Variants in COL5A1 observed in about 807,000 individuals in gnomAD.
The protein encoded by COL5A1 is collagen type V alpha 1 chain.
In COL5A1, 16 loss-of-function variants were observed where a neutral mutation model predicts 263.7. That is an observed-to-expected ratio of 0.06 (90% CI 0.04 to 0.09). The LOEUF is 0.09. COL5A1 is among the 10% of genes least tolerant of loss of function. COL5A1 has a pLI of 1.00. For missense variants in COL5A1, 2,036 were observed against 2,540.5 expected (o/e 0.80, Z 4.27); for synonymous variants, 1,012 against 1,004.5 (o/e 1.01, Z -0.14).
rs1040851128 is a variant in COL5A1 at position 134,786,256 on chromosome 9, C to G, written c.2646+208C>G. On this transcript the variant is annotated intron_variant, in intron 31 of 65. Coordinates refer to ENST00000371817, the MANE Select transcript of COL5A1 (RefSeq NM_000093.5). ...CTTGCATCCAGCTATGTTAGGTGTC[C>G]CGGGACAGGTGGAGGGATGCTCCAC... is the stretch of plus-strand genomic sequence containing the variant. Among the ~76,000 whole-genome samples, 5 of 152,180 alleles carry G rather than the reference C, an allele frequency of 3.3e-5. 1 individual carries two copies. The highest frequency in any genetic ancestry group is 7.2e-5 in the African/African-American group (3 of 41,444).
chr9:134,822,723 C>CA lies in COL5A1; in HGVS notation c.4609-275_4609-274insA, dbSNP rs1554807636. On this transcript the variant is annotated intron_variant, in intron 59 of 65. Coordinates refer to ENST00000371817, the MANE Select transcript of COL5A1 (RefSeq NM_000093.5). The stretch of plus-strand genomic sequence containing the variant: ...AGGACATGCTCTTTTCCGCTGCGCC[C>CA]CCCCCGCGGCTGTCTGAGCTGGGGT... Among the ~76,000 whole-genome samples, 11 of 150,586 alleles carry CA rather than the reference C, an allele frequency of 7.3e-5. 1 individual carries two copies. Among genetic ancestry groups the CA allele is most frequent in the African/African-American group, 2.2e-4 (9 of 40,662 alleles).
rs772649334 is a variant in COL5A1, at chr9:134,784,931, TGGA to T, written c.2485-56_2485-54del. ...TTGCTCCTTGCTCTCAGAATGGTGG[TGGA>T]GAATAGTGTGTGTGCGGGGGGTGGT... On this transcript the variant is annotated intron_variant, in intron 29 of 65. Transcript: ENST00000371817. 2.2e-3 allele frequency: 2,940 copies of T among 1,357,674 alleles called. 7 individuals are homozygous for T. The highest frequency in any genetic ancestry group is 2.9e-3 in the Non-Finnish European group (2,747 of 949,278). 84.1% of individuals were successfully genotyped at this position (1,357,674 alleles called of 1,614,324 possible).
chr9:134,782,397 G>A (rs1021468790), intron 28 of COL5A1, among the ~76,000 whole-genome samples: 1 of 152,180 alleles, frequency 6.6e-6, no homozygotes, highest in African/African-American at 2.4e-5. Context: ...CTGAGGCCTC[G>A]CCATGCAGAA....
At chr9:134,774,403 C>T (rs1009823246) in intron 26 of COL5A1, among the ~76,000 whole-genome samples, 1 of 152,198 alleles carries the variant, frequency 6.6e-6, no homozygotes, top group Admixed American at 6.5e-5. Flanking sequence ...TCTAGTTGAG[C>T]ATCGGCGAGG....
intron 50 of COL5A1, 42 bp downstream of exon 50, chr9:134,814,946 C>T (rs1214295138): frequency 1.5e-5 from 21 of 1,401,264 alleles, no homozygotes; most frequent in South Asian, 2.5e-5. Context: ...GCAGCAGGGG[C>T]GGGGCTCTGC....
intron 36 of COL5A1, among the ~76,000 whole-genome samples, chr9:134,797,509 G>C (rs529134846): frequency 1.2e-3 from 184 of 152,238 alleles, no homozygotes; most frequent in African/African-American, 4.3e-3. Context: ...TTGAGACAGA[G>C]TCTCGCTCTG....
chr9:134,735,537 C>T (rs1039830758), intron 9 of COL5A1, among the ~76,000 whole-genome samples: 3 of 152,328 alleles, frequency 2.0e-5, no homozygotes, highest in East Asian at 1.9e-4. Context: ...CACCCTCAGG[C>T]GCATTCATCC....
At position 134,738,826 on chromosome 9, in the gene COL5A1, T is replaced by A. The variant is rs747809347; in HGVS notation, c.1494+18T>A. 2 of 1,606,994 alleles carry A rather than the reference T, an allele frequency of 1.2e-6. No homozygotes were observed. The highest frequency in any genetic ancestry group is 1.7e-6 in the Non-Finnish European group (2 of 1,173,822). ...GAGAAAGGGTAAGAGGTTGACTGTGTTTCCTGAGATCACACAAGGTGTGGG... is the reference window on the plus strand; with the variant it reads ...GAGAAAGGGTAAGAGGTTGACTGTGATTCCTGAGATCACACAAGGTGTGGG... On this transcript the variant is annotated intron_variant, in intron 11 of 65. Transcript: ENST00000371817.
At chr9:134,798,729 G>A (rs1346597454) in intron 37 of COL5A1, among the ~76,000 whole-genome samples, 1 of 152,264 alleles carries the variant, frequency 6.6e-6, no homozygotes, top group Non-Finnish European at 1.5e-5. Context: ...GGCTGGTTTT[G>A]GAAACTTTGG....
At chr9:134,726,146 G>T (rs61011494) in intron 4 of COL5A1, among the ~76,000 whole-genome samples, 8,771 of 152,242 alleles carry the variant, frequency 0.058, 847 homozygotes, top group African/African-American at 0.2. Context: ...CGGGGTCTAG[G>T]GCGGGTGAGA....
intron 19 of COL5A1, among the ~76,000 whole-genome samples, chr9:134,762,927 A>C (rs1426193450): frequency 6.6e-6 from 1 of 152,042 alleles, no homozygotes; most frequent in Admixed American, 6.5e-5. Context: ...GTGTATGTGC[A>C]GGGAGTGCAC....
chr9:134,825,122 G>T (rs923590684), intron 62 of COL5A1, among the ~76,000 whole-genome samples: 3 of 152,220 alleles, frequency 2.0e-5, no homozygotes, highest in Admixed American at 6.5e-5. Flanking sequence ...TTCTGGCGGG[G>T]TGACCTGCTT....
At chr9:134,715,717 A>G (rs1834236708) in intron 4 of COL5A1, among the ~76,000 whole-genome samples, 1 of 152,254 alleles carries the variant, frequency 6.6e-6, no homozygotes, top group Admixed American at 6.5e-5. Context: ...TAAATCCATT[A>G]AACCTTGAGT....
intron 18 of COL5A1, among the ~76,000 whole-genome samples, chr9:134,759,815 CAT>C: frequency 1.2e-5 from 1 of 84,540 alleles, no homozygotes; most frequent in African/African-American, 7.3e-5. Context: ...TGCACACACG[CAT>C]ACACACCCAC....
At chr9:134,715,399 A>G (rs1834225670) in intron 4 of COL5A1, among the ~76,000 whole-genome samples, 1 of 152,028 alleles carries the variant, frequency 6.6e-6, no homozygotes, top group African/African-American at 2.4e-5. Context: ...CGAGCAGGAG[A>G]CAGATGCCTT....
At chr9:134,751,779 A>C (rs927156754) in intron 13 of COL5A1, among the ~76,000 whole-genome samples, 6 of 152,204 alleles carry the variant, frequency 3.9e-5, no homozygotes, top group African/African-American at 1.4e-4. Context: ...TAATGATCAG[A>C]GTGCTTAGGT....
intron 4 of COL5A1, among the ~76,000 whole-genome samples, chr9:134,726,750 GTGGA>G (rs372291379): frequency 1.7e-3 from 260 of 150,836 alleles, no homozygotes; most frequent in African/African-American, 5.3e-3. Context: ...GAATGAAAGA[GTGGA>G]TGGATGGATG....
chr9:134,726,824 A>T (rs1215163287), intron 4 of COL5A1, among the ~76,000 whole-genome samples: 2 of 145,212 alleles, frequency 1.4e-5, no homozygotes, highest in Non-Finnish European at 3.0e-5. Flanking sequence ...GGATGAGTGA[A>T]TGAGTGGACA....
chr9:134,840,399 T>TCCTTCTCACAGCGC (rs1839986209), intron 65 of COL5A1, among the ~76,000 whole-genome samples: 1 of 152,200 alleles, frequency 6.6e-6, no homozygotes, highest in South Asian at 2.1e-4. Context: ...TGAGCTTCAT[T>TCCTTCTCACAGCGC]CCTTCTCACA....
Sources: allele counts gnomAD v4.1 joint callset (sites outside exome capture counted in the v4.1 genomes callset), GRCh38; gene constraint gnomAD v4.1.1; transcripts MANE v1.5; gene names NCBI Gene and HGNC (gene_info 2026-07-23, HGNC 2026-07-21).